Variants in ZC2HC1B observed in about 807,000 individuals in gnomAD.
ZC2HC1B encodes zinc finger C2HC domain-containing protein 1B.
A neutral mutation model predicts 31.0 loss-of-function variants in ZC2HC1B; 36 were observed. That is an observed-to-expected ratio of 1.16 (90% CI 0.89 to 1.54). The LOEUF (loss-of-function observed/expected upper bound fraction) is 1.54, where lower values mean the gene tolerates loss of function less well. ZC2HC1B is among the 40% of genes most tolerant of loss of function. The pLI is 0.00. For synonymous variants in ZC2HC1B, 73 were observed against 88.0 expected, an observed-to-expected ratio of 0.83 and a Z score of 0.95; for missense variants, 260 against 268.6, an observed-to-expected ratio of 0.97 and a Z score of 0.22.
intron 4 of ZC2HC1B, among the ~76,000 whole-genome samples, chr6:143,888,712 A>G (rs531270079): frequency 4.6e-5 from 7 of 152,164 alleles, no homozygotes; most frequent in African/African-American, 4.8e-5. Context: ...GTATAAAAAT[A>G]TAATGGATCT....
chr6:143,912,884 G>A (rs1172090371), intron 6 of ZC2HC1B, among the ~76,000 whole-genome samples: 1 of 152,192 alleles, frequency 6.6e-6, no homozygotes, highest in African/African-American at 2.4e-5. Flanking sequence ...CCACCCTTCA[G>A]GCACTTTGTC....
In ZC2HC1B at chr6:143,885,997, T is replaced by C; in HGVS notation, c.91-35T>C. The stretch of plus-strand genomic sequence containing the variant: ...TAGGCATTAAAAACTGATTGTGCAC[T>C]TTAGAAATTCCAATCCCTACTCTTC... On this transcript the variant is annotated intron_variant, in intron 2 of 7. Transcript: ENST00000237275. The surrounding 1 kb of genome is among the most constrained non-coding windows in gnomAD (Gnocchi z 4.2). 1 of 1,491,438 alleles carries C rather than the reference T, an allele frequency of 6.7e-7. No homozygotes were observed. Among genetic ancestry groups the C allele is most frequent in the Non-Finnish European group, 8.9e-7 (1 of 1,122,042 alleles). The allele number at this position is 1,491,438 out of a possible 1,614,324, so 92.4% of individuals were successfully genotyped here. A position where few individuals can be genotyped will look rare whatever the true frequency, so the allele number is the denominator to read the frequency against.
rs1221368688 is a variant in ZC2HC1B, at chr6:143,887,738, T to C, written c.349+917T>C. On this transcript the variant is annotated intron_variant, in intron 4 of 7. Transcript: ENST00000237275. The surrounding 1 kb of genome is among the most constrained non-coding windows in gnomAD (Gnocchi z 5.1). Reference sequence around the variant, plus strand: ...TCCTCTATCTCATCTTTATGTAAACTGAAAGTTAGGGCTAGAATCTCAATG... The same window carrying C: ...TCCTCTATCTCATCTTTATGTAAACCGAAAGTTAGGGCTAGAATCTCAATG... Among the ~76,000 whole-genome samples, 2 of 152,064 alleles carry C rather than the reference T, an allele frequency of 1.3e-5. No homozygotes were observed. Among genetic ancestry groups the C allele is most frequent in the African/African-American group, 2.4e-5 (1 of 41,430 alleles).
intron 6 of ZC2HC1B, among the ~76,000 whole-genome samples, chr6:143,920,409 A>C (rs1777973416): frequency 6.6e-6 from 1 of 152,204 alleles, no homozygotes. Context: ...ACAAGACATA[A>C]GAGAAAAGGT....
At chr6:143,879,351 C>A (rs1015496316) in intron 1 of ZC2HC1B, among the ~76,000 whole-genome samples, 1 of 152,124 alleles carries the variant, frequency 6.6e-6, no homozygotes, top group African/African-American at 2.4e-5. Context: ...TTTACTATAG[C>A]TTTATTGGGG....
chr6:143,876,977 C>T lies in ZC2HC1B; in HGVS notation c.29-7327C>T, dbSNP rs892375373. The stretch of plus-strand genomic sequence containing the variant: ...GGCAACACCCTCACAGACACACCCA[C>T]GATGAATACTTTGCATCCTTCAATT... On this transcript the variant is annotated intron_variant, in intron 1 of 7. Transcript: ENST00000237275. 1.7e-4 allele frequency among the ~76,000 whole-genome samples: 26 copies of T among 150,746 alleles called. 3 individuals carry two copies. Among genetic ancestry groups the T allele is most frequent in the South Asian group, 4.3e-4 (2 of 4,644 alleles).
In ZC2HC1B at chr6:143,885,752, A is replaced by G. The variant is rs1777524569; in HGVS notation, c.91-280A>G. Among the ~76,000 whole-genome samples the G allele has an allele frequency of 6.6e-6, 1 of 152,224 alleles. No homozygotes were observed. Among genetic ancestry groups the G allele is most frequent in the South Asian group, 2.1e-4 (1 of 4,830 alleles). On this transcript the variant is annotated intron_variant, in intron 2 of 7. Transcript: ENST00000237275. The surrounding 1 kb of genome is among the most constrained non-coding windows in gnomAD (Gnocchi z 4.2). ...GAAGGACTACTGATTGGAGTAAAGA[A>G]CATACTGCCCACATTTGAGTTAAAT...
intron 4 of ZC2HC1B, among the ~76,000 whole-genome samples, chr6:143,889,909 A>C (rs1777576948): frequency 2.0e-5 from 3 of 152,206 alleles, no homozygotes; most frequent in Admixed American, 1.3e-4. Context: ...AGACCATTAC[A>C]GGACCACAAA....
chr6:143,874,410 A>G (rs1351464422), intron 1 of ZC2HC1B, among the ~76,000 whole-genome samples: 1 of 151,886 alleles, frequency 6.6e-6, no homozygotes, highest in Non-Finnish European at 1.5e-5. Flanking sequence ...TCACTTCCAC[A>G]TTTTCGGGTA....
chr6:143,906,424 T>G (rs555798792), intron 6 of ZC2HC1B, among the ~76,000 whole-genome samples: 16 of 152,104 alleles, frequency 1.1e-4, no homozygotes, highest in African/African-American at 2.6e-4. Flanking sequence ...TGTTTTCTCT[T>G]TTTTAATTTT....
At chr6:143,907,083 C>T (rs1268419875) in intron 6 of ZC2HC1B, among the ~76,000 whole-genome samples, 3 of 152,170 alleles carry the variant, frequency 2.0e-5, no homozygotes, top group African/African-American at 7.2e-5. Flanking sequence ...CCTCCAGCTC[C>T]ATCCACGTCC....
chr6:143,871,712 C>T lies in ZC2HC1B; in HGVS notation c.28+7145C>T, dbSNP rs1182433213. On this transcript the variant is annotated intron_variant, in intron 1 of 7. Coordinates refer to ENST00000237275, the MANE Select transcript of ZC2HC1B (RefSeq NM_001013623.3). This position sits in a 1 kb window ranked among gnomAD's most constrained non-coding sequence, Gnocchi z 4.1. ...CCACAGTCTCTGCAGGGATGTGATA[C>T]TGTTTTTGATTTACTATTTTTCTAG... 6.6e-6 allele frequency among the ~76,000 whole-genome samples: 1 copy of T among 152,182 alleles called. No individual in the cohort carries two copies. Among genetic ancestry groups the T allele is most frequent in the Non-Finnish European group, 1.5e-5 (1 of 68,024 alleles).
At chr6:143,935,866 T>C (rs910615613) in intron 6 of ZC2HC1B, among the ~76,000 whole-genome samples, 1 of 151,974 alleles carries the variant, frequency 6.6e-6, no homozygotes, top group Non-Finnish European at 1.5e-5. Context: ...CCCAGACTGG[T>C]CTTGAACTCC....
Position 143,915,269 on chromosome 6 carries a change from G to A in ZC2HC1B, c.598+12117G>A, listed in dbSNP as rs1449162862. Among the ~76,000 whole-genome samples the A allele has an allele frequency of 6.6e-6, 1 of 152,154 alleles. No homozygotes were observed. Among genetic ancestry groups the A allele is most frequent in the Admixed American group, 6.5e-5 (1 of 15,268 alleles). ...GGAGTTCCCCTGCACAATCTCTGTG[G>A]TCTCTTTGCTGCCATGTGAGATATG... On this transcript the variant is annotated intron_variant, in intron 6 of 7. Coordinates refer to ENST00000237275, the MANE Select transcript of ZC2HC1B (RefSeq NM_001013623.3). This position sits in a 1 kb window ranked among gnomAD's most constrained non-coding sequence, Gnocchi z 5.2.
At chr6:143,898,521 A>G in intron 4 of ZC2HC1B, 31 bp from the exon 5 acceptor site, 1 of 1,549,464 alleles carries the variant, frequency 6.5e-7, no homozygotes, top group Non-Finnish European at 8.7e-7. Flanking sequence ...TTGAAGTGCT[A>G]ATTGCCATTT....
At chr6:143,878,414 G>A (rs1777432643) in intron 1 of ZC2HC1B, among the ~76,000 whole-genome samples, 1 of 150,512 alleles carries the variant, frequency 6.6e-6, no homozygotes, top group Admixed American at 6.6e-5. Flanking sequence ...GGAGGCAGAG[G>A]TTGCAGTGTG....
chr6:143,898,738 A>AG (rs953533020), intron 5 of ZC2HC1B, 47 bp downstream of exon 5: 54 of 1,548,360 alleles, frequency 3.5e-5, no homozygotes, highest in Middle Eastern at 3.3e-4. Flanking sequence ...TTGAATGCCT[A>AG]GGGGTGAGCC....
At chr6:143,875,904 G>A (rs1777402726) in intron 1 of ZC2HC1B, among the ~76,000 whole-genome samples, 1 of 150,510 alleles carries the variant, frequency 6.6e-6, no homozygotes, top group South Asian at 2.1e-4. Context: ...ACTGGGGAGG[G>A]GGAAGCTGTT....
At position 143,903,181 on chromosome 6, in the gene ZC2HC1B, A is replaced by G; in HGVS notation, c.598+29A>G. On this transcript the variant is annotated intron_variant, in intron 6 of 7. Transcript: ENST00000237275. This position sits in a 1 kb window ranked among gnomAD's most constrained non-coding sequence, Gnocchi z 4.3. ...AGTCAAAGCACGCATTTCATCTCTC[A>G]AATGATGGGGGTCAGAGGAGATCAC... The G allele has an allele frequency of 6.5e-7, 1 of 1,532,270 alleles. No homozygotes were observed. The highest frequency in any genetic ancestry group is 8.9e-7 in the Non-Finnish European group (1 of 1,128,996). The allele number at this position is 1,532,270 out of a possible 1,614,324, so 94.9% of individuals were successfully genotyped here.
Sources: allele counts gnomAD v4.1 joint callset (sites outside exome capture counted in the v4.1 genomes callset), GRCh38; gene constraint gnomAD v4.1.1; non-coding constraint Gnocchi (gnomAD v3.1); transcripts MANE v1.5; gene names NCBI Gene and HGNC (gene_info 2026-07-23, HGNC 2026-07-21).